SLC44A5: variants seen among roughly 807,000 people sequenced by gnomAD.
The protein encoded by SLC44A5 is choline transporter-like protein 5.
SLC44A5 carries 57 observed loss-of-function variants against 101.8 expected under a neutral mutation model. The observed-to-expected ratio is 0.56, with a 90% CI of 0.45 to 0.70. The LOEUF is 0.70. SLC44A5 is among the 30% of genes least tolerant of loss of function. SLC44A5 has a pLI of 0.00. For synonymous variants in SLC44A5, 281 were observed against 290.9 expected (o/e 0.97, Z 0.35); for missense variants, 737 against 853.1 (o/e 0.86, Z 1.70).
the SLC44A5 span, among the ~76,000 whole-genome samples, chr1:75,723,057 T>G: frequency 6.6e-6 from 1 of 152,132 alleles, no homozygotes; most frequent in Non-Finnish European, 1.5e-5. Context: ...CTCCTTCCTT[T>G]GTTCTCCTCT....
chr1:75,718,071 A>G, the SLC44A5 span, among the ~76,000 whole-genome samples: 315 of 152,334 alleles, frequency 2.1e-3, 2 homozygotes, highest in African/African-American at 7.0e-3. Context: ...GATTGATAGG[A>G]TTATGAAAGT....
the SLC44A5 span, chr1:75,677,865 T>C: frequency 2.0e-5 from 7 of 349,380 alleles, no homozygotes; most frequent in Admixed American, 4.3e-5. Flanking sequence ...TTCATCTCAC[T>C]AGGGAGTGCC....
At chr1:75,664,259 G>A in the SLC44A5 span, among the ~76,000 whole-genome samples, 1 of 152,048 alleles carries the variant, frequency 6.6e-6, no homozygotes, top group African/African-American at 2.4e-5. Context: ...AATAAGACAA[G>A]GATGCCCACT....
At chr1:75,563,458 G>C (rs1481584087) in intron 1 of SLC44A5, among the ~76,000 whole-genome samples, 1 of 151,378 alleles carries the variant, frequency 6.6e-6, no homozygotes. Context: ...CCAAAATCTT[G>C]GCTGAAATTT....
rs1651812542 is a variant in SLC44A5, at chr1:75,275,061, A to G, written c.176-19T>C. 6.2e-7 allele frequency: 1 copy of G among 1,604,382 alleles called. No homozygotes were observed. Among genetic ancestry groups the G allele is most frequent in the Non-Finnish European group, 8.5e-7 (1 of 1,172,994 alleles). On this transcript the variant is annotated intron_variant, in intron 5 of 23. Transcript: ENST00000370859. ...ACCCAGGCTGCAGGAACAAGAAAGG[A>G]CAAATATGCTATCAGCAAAAGCCAG...
chr1:75,286,871 C>T (rs1653096494), intron 5 of SLC44A5, among the ~76,000 whole-genome samples: 1 of 152,154 alleles, frequency 6.6e-6, no homozygotes, highest in African/African-American at 2.4e-5. Flanking sequence ...TTTTGCCTCA[C>T]AGCTCTTGAA....
chr1:75,624,791 G>A, the SLC44A5 span, among the ~76,000 whole-genome samples: 279 of 152,182 alleles, frequency 1.8e-3, no homozygotes, highest in Admixed American at 2.9e-3. Context: ...CCCACTCACA[G>A]CCATCACTAT....
At chr1:75,250,535 G>A (rs528602925) in intron 7 of SLC44A5, among the ~76,000 whole-genome samples, 3 of 152,214 alleles carry the variant, frequency 2.0e-5, no homozygotes, top group South Asian at 2.1e-4. Flanking sequence ...GGATTGCTGG[G>A]TCAAATGGTA....
intron 5 of SLC44A5, among the ~76,000 whole-genome samples, chr1:75,276,998 ATTG>A (rs921340922): frequency 6.6e-6 from 1 of 152,158 alleles, no homozygotes; most frequent in African/African-American, 2.4e-5. Context: ...AGCATCTGCT[ATTG>A]TTTTCTTTCC....
chr1:75,507,962 A>T (rs919222503), intron 2 of SLC44A5, among the ~76,000 whole-genome samples: 1 of 152,190 alleles, frequency 6.6e-6, no homozygotes, highest in Non-Finnish European at 1.5e-5. Flanking sequence ...AGTGTTAGAT[A>T]GACCATCAAG....
the SLC44A5 span, among the ~76,000 whole-genome samples, chr1:75,708,534 G>A: frequency 5.9e-5 from 9 of 151,666 alleles, no homozygotes; most frequent in South Asian, 2.1e-4. Flanking sequence ...GTTCAATGAC[G>A]GTTATTTCAC....
chr1:75,403,951 C>CA (rs1247730010), intron 2 of SLC44A5, among the ~76,000 whole-genome samples: 1 of 151,722 alleles, frequency 6.6e-6, no homozygotes, highest in Non-Finnish European at 1.5e-5. Context: ...AAGAACCTTG[C>CA]AAAAAAGTTA....
intron 2 of SLC44A5, among the ~76,000 whole-genome samples, chr1:75,458,877 G>T (rs558187490): frequency 5.9e-5 from 9 of 152,236 alleles, no homozygotes; most frequent in African/African-American, 1.9e-4. Flanking sequence ...GCAAGGAACT[G>T]GTGGAAAAAA....
In SLC44A5 at chr1:75,288,341, C is replaced by T. The variant is rs139656823; in HGVS notation, c.175+12271G>A. 4.5e-3 allele frequency among the ~76,000 whole-genome samples: 678 copies of T among 152,232 alleles called. 6 individuals carry two copies. Among genetic ancestry groups the T allele is most frequent in the African/African-American group, 0.015 (637 of 41,524 alleles). On this transcript the variant is annotated intron_variant, in intron 5 of 23. Coordinates refer to ENST00000370859, the MANE Select transcript of SLC44A5 (RefSeq NM_001130058.2). ...TAAACTATTACACAGTATCTGACAT[C>T]TATTTACCTTAGTTCTTAAAGTAAA...
chr1:75,521,872 A>C (rs1670147811), intron 2 of SLC44A5: 1 of 153,680 alleles, frequency 6.5e-6, no homozygotes, highest in East Asian at 1.9e-4. Flanking sequence ...TAGAAAAAAA[A>C]CAATGCACGC....
At chr1:75,440,438 T>C (rs1175829296) in intron 2 of SLC44A5, among the ~76,000 whole-genome samples, 1 of 152,086 alleles carries the variant, frequency 6.6e-6, no homozygotes, top group Non-Finnish European at 1.5e-5. Flanking sequence ...AGTGTGGCCA[T>C]AGCAGTGGGA....
At chr1:75,629,793 T>G in the SLC44A5 span, among the ~76,000 whole-genome samples, 1 of 152,152 alleles carries the variant, frequency 6.6e-6, no homozygotes, top group South Asian at 2.1e-4. Context: ...AGCCAGTGCT[T>G]CATGATATAA....
At chr1:75,358,453 C>T (rs1659242452) in intron 3 of SLC44A5, among the ~76,000 whole-genome samples, 1 of 151,950 alleles carries the variant, frequency 6.6e-6, no homozygotes, top group African/African-American at 2.4e-5. Flanking sequence ...CAATGTATAA[C>T]TGGAAAATAA....
rs184393454 is a variant in SLC44A5 at position 75,562,591 on chromosome 1, G to T, written c.-69-21075C>A. Among the ~76,000 whole-genome samples the T allele has an allele frequency of 2.0e-3, 303 of 152,036 alleles. 1 individual carries two copies. The highest frequency in any genetic ancestry group is 6.7e-3 in the African/African-American group (278 of 41,428). ...CCTGCACCTGTACTCCTAGCTACTC[G>T]GGGGGAGGATTGCTTAAGCCCGGAG... On this transcript the variant is annotated intron_variant, in intron 1 of 23. Transcript: ENST00000370859.
Sources: gnomAD v4.1 joint callset for allele counts (sites outside exome capture counted in the v4.1 genomes callset) on GRCh38, gnomAD v4.1.1 for gene constraint, MANE v1.5 for transcripts, NCBI Gene and HGNC (gene_info 2026-07-23, HGNC 2026-07-21) for gene names.